RSPH14: variants seen among roughly 807,000 people sequenced by gnomAD.
RSPH14 encodes the protein radial spoke head 14 homolog, also known as rhabdoid tumor deletion region gene 1.
A neutral mutation model predicts 26.7 loss-of-function variants in RSPH14; 20 were observed. The observed-to-expected ratio is 0.75, with a 90% CI of 0.53 to 1.09. The LOEUF (loss-of-function observed/expected upper bound fraction) is 1.09. RSPH14 is among the 50% of genes least tolerant of loss of function. The probability of loss-of-function intolerance (pLI) is 0.00; values close to 1 mark genes in which losing one functional copy is unlikely to be tolerated. For missense variants in RSPH14, 449 were observed against 457.2 expected (o/e 0.98, Z 0.16); for synonymous variants, 177 against 189.3 (o/e 0.93, Z 0.53).
chr22:23,173,493 T>G, the RSPH14 span, among the ~76,000 whole-genome samples: 1 of 152,024 alleles, frequency 6.6e-6, no homozygotes, highest in African/African-American at 2.4e-5. Flanking sequence ...CAGGCTGGAG[T>G]GCAGGGGTAT....
At chr22:23,172,805 C>T in the RSPH14 span, among the ~76,000 whole-genome samples, 2 of 151,272 alleles carry the variant, frequency 1.3e-5, no homozygotes, top group Non-Finnish European at 2.9e-5. Context: ...AAAAAATTAG[C>T]CGGGTGTGGT....
At chr22:23,175,701 G>T in the RSPH14 span, among the ~76,000 whole-genome samples, 1 of 152,214 alleles carries the variant, frequency 6.6e-6, no homozygotes, top group Non-Finnish European at 1.5e-5. Context: ...TGGAGCCCTT[G>T]GTGAAGCCCC....
At chr22:23,113,728 C>T (rs1397001546) in intron 4 of RSPH14, among the ~76,000 whole-genome samples, 1 of 152,252 alleles carries the variant, frequency 6.6e-6, no homozygotes, top group Non-Finnish European at 1.5e-5. Context: ...CACTCGCCCT[C>T]TCCCCACTAG....
At chr22:23,086,446 G>A (rs1448113736) in intron 4 of RSPH14, among the ~76,000 whole-genome samples, 1 of 152,252 alleles carries the variant, frequency 6.6e-6, no homozygotes. Flanking sequence ...AGGTGCAGCT[G>A]TCCCCTGCGT....
the RSPH14 span, among the ~76,000 whole-genome samples, chr22:23,150,395 G>A: frequency 2.7e-4 from 40 of 150,136 alleles, no homozygotes; most frequent in Non-Finnish European, 1.5e-4. Flanking sequence ...TCTGCCTCCC[G>A]GGTTCATGCC....
the RSPH14 span, among the ~76,000 whole-genome samples, chr22:23,160,627 A>C: frequency 2.0e-5 from 3 of 152,188 alleles, no homozygotes; most frequent in African/African-American, 7.2e-5. Flanking sequence ...GAGTGGCCCA[A>C]GCAGGCAGTG....
the RSPH14 span, among the ~76,000 whole-genome samples, chr22:23,176,347 T>C: frequency 5.4e-4 from 83 of 152,316 alleles, 1 homozygote; most frequent in African/African-American, 2.0e-3. Context: ...CAAGTAGCCA[T>C]ATGTTTCAAA....
chr22:23,152,580 ACCTTTG>A, the RSPH14 span: 8 of 1,554,238 alleles, frequency 5.1e-6, no homozygotes, highest in African/African-American at 1.1e-4. Flanking sequence ...AGGTTGTCAT[ACCTTTG>A]CCTGGGTGGC....
the RSPH14 span, among the ~76,000 whole-genome samples, chr22:23,152,753 TC>T: frequency 6.6e-6 from 1 of 152,104 alleles, no homozygotes; most frequent in Non-Finnish European, 1.5e-5. Context: ...TGTCAGACTG[TC>T]CCCCTGGGGC....
At chr22:23,134,548 C>CAAAAA (rs59412175) in intron 3 of RSPH14, among the ~76,000 whole-genome samples, 4 of 86,128 alleles carry the variant, frequency 4.6e-5, no homozygotes, top group Non-Finnish European at 6.7e-5. Flanking sequence ...AACTCCCAAC[C>CAAAAA]AAAAAAAAAA....
At chr22:23,118,850 G>A (rs1483705909) in intron 4 of RSPH14, among the ~76,000 whole-genome samples, 3 of 152,208 alleles carry the variant, frequency 2.0e-5, no homozygotes, top group Non-Finnish European at 4.4e-5. Flanking sequence ...GGCCAGGGAG[G>A]GCAAAACCCC....
the RSPH14 span, chr22:23,158,867 G>A: frequency 6.3e-7 from 1 of 1,599,982 alleles, no homozygotes; most frequent in Non-Finnish European, 8.6e-7. Context: ...GAGGATGGGT[G>A]AATCTCTCAG....
intron 4 of RSPH14, among the ~76,000 whole-genome samples, chr22:23,106,658 CAACA>C (rs1427396621): frequency 1.3e-5 from 2 of 152,226 alleles, no homozygotes; most frequent in Non-Finnish European, 2.9e-5. Context: ...TGCTGGCTGA[CAACA>C]GAATAGTGGA....
chr22:23,098,120 C>T (rs558237086), intron 4 of RSPH14, among the ~76,000 whole-genome samples: 11 of 152,374 alleles, frequency 7.2e-5, no homozygotes, highest in Middle Eastern at 3.4e-3. Context: ...GCCTGCAGCC[C>T]TCTTGGCTCT....
intron 4 of RSPH14, among the ~76,000 whole-genome samples, chr22:23,119,610 G>A (rs573199195): frequency 9.2e-5 from 14 of 152,344 alleles, no homozygotes; most frequent in African/African-American, 3.4e-4. Flanking sequence ...TACAGGATGG[G>A]CACCCACCAT....
intron 4 of RSPH14, among the ~76,000 whole-genome samples, chr22:23,094,791 C>T (rs180734963): frequency 7.4e-4 from 113 of 152,320 alleles, no homozygotes; most frequent in African/African-American, 2.5e-3. Context: ...CCAGCTCCTG[C>T]GGGGGTAATG....
intron 4 of RSPH14, among the ~76,000 whole-genome samples, chr22:23,080,164 T>G (rs1474980807): frequency 7.2e-5 from 11 of 152,242 alleles, no homozygotes; most frequent in Admixed American, 6.5e-4. Flanking sequence ...GTGGAACCTT[T>G]GCATATTGAT....
At chr22:23,120,495 G>C (rs1051958249) in intron 4 of RSPH14, among the ~76,000 whole-genome samples, 1 of 152,092 alleles carries the variant, frequency 6.6e-6, no homozygotes, top group African/African-American at 2.4e-5. Context: ...AACTGTTTCC[G>C]CATCAGTGAG....
chr22:23,150,760 C>T, the RSPH14 span, among the ~76,000 whole-genome samples: 2 of 152,244 alleles, frequency 1.3e-5, no homozygotes, highest in Non-Finnish European at 2.9e-5. Flanking sequence ...CTTCCCCTTC[C>T]CCTTCCCCTT....
Sources: gnomAD v4.1 joint callset for allele counts (sites outside exome capture counted in the v4.1 genomes callset) on GRCh38, gnomAD v4.1.1 for gene constraint, MANE v1.5 for transcripts, NCBI Gene and HGNC (gene_info 2026-07-23, HGNC 2026-07-21) for gene names.